Variants in TMEM108 observed in about 807,000 individuals in gnomAD.
TMEM108 encodes cancer/testis antigen 124.
Under a neutral mutation model 35.1 loss-of-function variants are expected in TMEM108, and 12 were observed. The observed-to-expected ratio is 0.34, with a 90% confidence interval of 0.22 to 0.55. The LOEUF is 0.55. Ranked by LOEUF, TMEM108 falls within the 20% of genes least tolerant of loss-of-function variation. The pLI is 0.89. For synonymous variants in TMEM108, 287 were observed against 308.6 expected, an observed-to-expected ratio of 0.93 and a Z score of 0.73; for missense variants, 680 against 753.3, an observed-to-expected ratio of 0.90 and a Z score of 1.14.
intron 2 of TMEM108, among the ~76,000 whole-genome samples, chr3:133,159,417 G>A (rs1944928838): frequency 6.6e-6 from 1 of 152,122 alleles, no homozygotes; most frequent in African/African-American, 2.4e-5. Flanking sequence ...GCTCTGAGTA[G>A]CTAACTTACT....
chr3:133,321,206 TAAAAG>T (rs1221500738), intron 3 of TMEM108, among the ~76,000 whole-genome samples: 1 of 152,160 alleles, frequency 6.6e-6, no homozygotes, highest in Non-Finnish European at 1.5e-5. Context: ...ATGTTCCACT[TAAAAG>T]ATAGAGAATG....
intron 3 of TMEM108, among the ~76,000 whole-genome samples, chr3:133,291,770 A>G (rs944111610): frequency 6.6e-6 from 1 of 152,210 alleles, no homozygotes. Flanking sequence ...TGCAGAAGGC[A>G]GGGTTCCTCA....
intron 2 of TMEM108, among the ~76,000 whole-genome samples, chr3:133,058,976 G>A (rs1267687253): frequency 3.3e-5 from 5 of 152,298 alleles, no homozygotes; most frequent in East Asian, 1.9e-4. Flanking sequence ...ATTTCTCACC[G>A]TTCTGGAGAC....
At chr3:133,196,061 T>C (rs75068961) in intron 2 of TMEM108, among the ~76,000 whole-genome samples, 32 of 152,352 alleles carry the variant, frequency 2.1e-4, no homozygotes, top group Admixed American at 5.9e-4. Flanking sequence ...TTTACAGATA[T>C]AGCAAATCCT....
intron 2 of TMEM108, among the ~76,000 whole-genome samples, chr3:133,170,680 A>C (rs1042734687): frequency 2.6e-4 from 40 of 152,362 alleles, no homozygotes; most frequent in African/African-American, 8.4e-4. Context: ...AGTTTTAAAA[A>C]GATCAAAATC....
chr3:133,174,635 A>C (rs1945183199), intron 2 of TMEM108, among the ~76,000 whole-genome samples: 1 of 152,226 alleles, frequency 6.6e-6, no homozygotes, highest in African/African-American at 2.4e-5. Flanking sequence ...TAGAAGGAAA[A>C]CCAACAAAAA....
chr3:133,256,936 G>C (rs187360609), intron 3 of TMEM108: 1 of 152,314 alleles, frequency 6.6e-6, no homozygotes, highest in Admixed American at 6.5e-5. Context: ...TACTGAGTCA[G>C]TCTTACCCGT....
At chr3:133,173,562 T>G (rs1368481362) in intron 2 of TMEM108, among the ~76,000 whole-genome samples, 1 of 152,248 alleles carries the variant, frequency 6.6e-6, no homozygotes, top group East Asian at 1.9e-4. Context: ...ACAGGCAAGG[T>G]ATTCCTTCCA....
intron 2 of TMEM108, among the ~76,000 whole-genome samples, chr3:133,219,037 T>C (rs1159898113): frequency 1.3e-5 from 2 of 152,084 alleles, no homozygotes; most frequent in Non-Finnish European, 2.9e-5. Context: ...TGGGAGACTT[T>C]TAATTACTGA....
At chr3:133,270,500 A>C (rs1009862838) in intron 3 of TMEM108, among the ~76,000 whole-genome samples, 2 of 152,178 alleles carry the variant, frequency 1.3e-5, no homozygotes, top group Non-Finnish European at 2.9e-5. Context: ...GCAAGTCTAA[A>C]AGGTGAATCC....
At chr3:133,389,694 A>AG (rs1423983147) in intron 4 of TMEM108, 2 of 136,550 alleles carry the variant, frequency 1.5e-5, no homozygotes, top group African/African-American at 3.3e-5. Context: ...AAAAAAAAAA[A>AG]AAAAAAGAAA....
At chr3:133,168,748 T>G (rs1156446177) in intron 2 of TMEM108, among the ~76,000 whole-genome samples, 2 of 152,196 alleles carry the variant, frequency 1.3e-5, no homozygotes, top group Non-Finnish European at 2.9e-5. Context: ...GAAGCTTTGT[T>G]CTTTCGCTCT....
chr3:133,347,765 C>T (rs2071865411), intron 3 of TMEM108, among the ~76,000 whole-genome samples: 1 of 151,926 alleles, frequency 6.6e-6, no homozygotes, highest in Non-Finnish European at 1.5e-5. Context: ...TAATACTTCC[C>T]CTATATAGCA....
At chr3:133,078,682 G>A (rs942670401) in intron 2 of TMEM108, among the ~76,000 whole-genome samples, 7 of 152,192 alleles carry the variant, frequency 4.6e-5, no homozygotes, top group Admixed American at 6.5e-5. Context: ...TGTTTAACTG[G>A]AGGAGTTTTA....
At chr3:133,130,773 G>T (rs1179898166) in intron 2 of TMEM108, among the ~76,000 whole-genome samples, 1 of 152,192 alleles carries the variant, frequency 6.6e-6, no homozygotes, top group Non-Finnish European at 1.5e-5. Context: ...AAACGAGATT[G>T]CAGGTAATGT....
chr3:133,050,436 A>G (rs2107674519), intron 2 of TMEM108, among the ~76,000 whole-genome samples: 1 of 152,252 alleles, frequency 6.6e-6, no homozygotes, highest in Admixed American at 6.5e-5. Flanking sequence ...CTATACATGC[A>G]TGGCCTCCCC....
chr3:133,225,281 C>T (rs1266989678), intron 2 of TMEM108, among the ~76,000 whole-genome samples: 3 of 152,056 alleles, frequency 2.0e-5, no homozygotes, highest in Non-Finnish European at 2.9e-5. Context: ...CTCCTGACCT[C>T]GTGATCCACC....
intron 2 of TMEM108, among the ~76,000 whole-genome samples, chr3:133,145,704 G>C (rs1944709428): frequency 6.6e-6 from 1 of 152,098 alleles, no homozygotes. Flanking sequence ...TGTATTCCTA[G>C]GTATTTTATT....
intron 3 of TMEM108, 119 bp downstream of exon 3, chr3:133,229,470 G>A (rs1946119926): frequency 1.2e-5 from 9 of 781,114 alleles, no homozygotes; most frequent in Non-Finnish European, 1.8e-5. Flanking sequence ...GGACAGTAAA[G>A]TTTCACTCTG....
Sources: gnomAD v4.1 joint callset for allele counts (sites outside exome capture counted in the v4.1 genomes callset) on GRCh38, gnomAD v4.1.1 for gene constraint, MANE v1.5 for transcripts, NCBI Gene and HGNC (gene_info 2026-07-23, HGNC 2026-07-21) for gene names.